TBC1D1: variants seen among roughly 807,000 people sequenced by gnomAD.
The protein encoded by TBC1D1 is TBC1 (tre-2/USP6, BUB2, cdc16) domain family, member 1.
In TBC1D1, 89 loss-of-function variants were observed where a neutral mutation model predicts 125.6. The ratio of observed to expected loss-of-function variants is 0.71; its 90% confidence interval spans 0.60 to 0.85. The LOEUF is 0.85. Ranked by LOEUF, TBC1D1 falls within the 40% of genes least tolerant of loss-of-function variation. The probability of loss-of-function intolerance (pLI) is 0.00; values close to 1 mark genes in which losing one functional copy is unlikely to be tolerated. For synonymous variants in TBC1D1, 565 were observed against 564.1 expected, an observed-to-expected ratio of 1.00 and a Z score of -0.02; for missense variants, 1,377 against 1,469.2, an observed-to-expected ratio of 0.94 and a Z score of 1.03.
chr4:38,090,943 C>T (rs1758319960), intron 13 of TBC1D1, among the ~76,000 whole-genome samples: 1 of 152,182 alleles, frequency 6.6e-6, no homozygotes, highest in Non-Finnish European at 1.5e-5. Flanking sequence ...TTTAAAATGA[C>T]CTTGATGCTT....
intron 2 of TBC1D1, among the ~76,000 whole-genome samples, chr4:37,972,222 C>A (rs1732169727): frequency 1.1e-5 from 1 of 90,786 alleles, no homozygotes; most frequent in South Asian, 4.1e-4. Flanking sequence ...GTGGTTCATG[C>A]CTGTCATCTC....
At chr4:37,930,478 T>C (rs1181569995) in intron 2 of TBC1D1, among the ~76,000 whole-genome samples, 1 of 151,900 alleles carries the variant, frequency 6.6e-6, no homozygotes, top group Non-Finnish European at 1.5e-5. Flanking sequence ...TGAGCCATCA[T>C]GCCTGGCCAA....
chr4:37,943,475 A>T (rs554515990), intron 2 of TBC1D1, among the ~76,000 whole-genome samples: 1 of 152,290 alleles, frequency 6.6e-6, no homozygotes, highest in Non-Finnish European at 1.5e-5. Flanking sequence ...CAGTACACCA[A>T]TCAGACGTAG....
intron 1 of TBC1D1, among the ~76,000 whole-genome samples, chr4:37,894,549 G>A (rs927793888): frequency 1.1e-4 from 17 of 152,116 alleles, no homozygotes; most frequent in Non-Finnish European, 2.1e-4. Context: ...AAGACAATGC[G>A]TGTATTTATC....
chr4:38,046,242 G>C (rs1266485313), intron 10 of TBC1D1, among the ~76,000 whole-genome samples: 2 of 151,898 alleles, frequency 1.3e-5, no homozygotes, highest in Admixed American at 1.3e-4. Context: ...CGTGGTGGCG[G>C]GCACCCGTAG....
chr4:38,090,568 G>GA (rs574013200), intron 13 of TBC1D1, among the ~76,000 whole-genome samples: 153 of 151,844 alleles, frequency 1.0e-3, no homozygotes, highest in Non-Finnish European at 1.8e-3. Context: ...CAAGTAATCT[G>GA]AAAAAAAAGA....
At chr4:37,929,370 G>A (rs1018084349) in intron 2 of TBC1D1, among the ~76,000 whole-genome samples, 10 of 152,200 alleles carry the variant, frequency 6.6e-5, no homozygotes, top group African/African-American at 2.4e-4. Flanking sequence ...AAGTTAAAAT[G>A]CAAGATCATG....
intron 15 of TBC1D1, among the ~76,000 whole-genome samples, chr4:38,106,414 C>G (rs1761308172): frequency 6.6e-6 from 1 of 152,292 alleles, no homozygotes; most frequent in Admixed American, 6.5e-5. Context: ...CAGGCCAAGG[C>G]AATGCCTTGG....
At chr4:38,042,174 C>A (rs896689924) in intron 8 of TBC1D1, among the ~76,000 whole-genome samples, 2 of 151,610 alleles carry the variant, frequency 1.3e-5, no homozygotes, top group Non-Finnish European at 2.9e-5. Context: ...AGACTCCATC[C>A]CAAAAAACAA....
intron 1 of TBC1D1, among the ~76,000 whole-genome samples, chr4:37,900,404 T>TA (rs1715672570): frequency 1.4e-5 from 1 of 70,382 alleles, no homozygotes; most frequent in Non-Finnish European, 3.0e-5. Flanking sequence ...TCAAAGGAAA[T>TA]ATCTTTTTTT....
chr4:37,897,652 T>C (rs1157466879), intron 1 of TBC1D1, among the ~76,000 whole-genome samples: 1 of 152,206 alleles, frequency 6.6e-6, no homozygotes, highest in Non-Finnish European at 1.5e-5. Context: ...TTGAAAGTAA[T>C]TCTGCTATGC....
At chr4:37,909,822 T>C (rs1486566314) in intron 2 of TBC1D1, among the ~76,000 whole-genome samples, 4 of 152,310 alleles carry the variant, frequency 2.6e-5, no homozygotes, top group East Asian at 1.9e-4. Flanking sequence ...AAATTTTCAT[T>C]TGGGGTCCCA....
intron 17 of TBC1D1, among the ~76,000 whole-genome samples, chr4:38,122,449 G>A (rs546707031): frequency 6.6e-6 from 1 of 152,250 alleles, no homozygotes; most frequent in Admixed American, 6.5e-5. Flanking sequence ...CTGTTTTTCA[G>A]GCTCCTGCAC....
At chr4:38,094,430 TG>T (rs564381050) in intron 13 of TBC1D1, among the ~76,000 whole-genome samples, 1 of 152,170 alleles carries the variant, frequency 6.6e-6, no homozygotes, top group Non-Finnish European at 1.5e-5. Flanking sequence ...CATGGGTGTG[TG>T]GGGGTCTTAT....
intron 2 of TBC1D1, among the ~76,000 whole-genome samples, chr4:37,973,937 T>C (rs1732540735): frequency 6.6e-6 from 1 of 152,220 alleles, no homozygotes; most frequent in South Asian, 2.1e-4. Flanking sequence ...CCTGAGATTC[T>C]GCATTTCTAA....
At chr4:38,086,028 G>C (rs2152532718) in intron 12 of TBC1D1, among the ~76,000 whole-genome samples, 1 of 152,264 alleles carries the variant, frequency 6.6e-6, no homozygotes, top group African/African-American at 2.4e-5. Context: ...TCTTTGGACT[G>C]ATTCAGCAGG....
intron 2 of TBC1D1, among the ~76,000 whole-genome samples, chr4:37,912,915 T>C (rs1306480047): frequency 6.6e-6 from 1 of 152,180 alleles, no homozygotes; most frequent in Non-Finnish European, 1.5e-5. Context: ...ACGAAGACAG[T>C]TACTATTAGA....
At position 38,095,876 on chromosome 4, in the gene TBC1D1, G is replaced by A. The variant is rs1430908795; in HGVS notation, c.2237-53G>A. 11 of 1,530,106 alleles carry A rather than the reference G, an allele frequency of 7.2e-6. No homozygotes were observed. In the East Asian group the frequency reaches 2.0e-4, roughly 28 times the overall value. The allele number at this position is 1,530,106 out of a possible 1,614,324, so 94.8% of individuals were successfully genotyped here. Reference sequence around the variant, plus strand: ...AAGTAGGCAGCCATGTTGTGTAATGGAAATTCCATAGCTGTAGCCTTTACT... The same window carrying A: ...AAGTAGGCAGCCATGTTGTGTAATGAAAATTCCATAGCTGTAGCCTTTACT... On this transcript the variant is annotated intron_variant, in intron 13 of 19. Transcript: ENST00000261439.
Position 38,014,979 on chromosome 4 carries a change from A to T in TBC1D1, c.882+6A>T. Reference sequence around the variant, plus strand: ...ATCGAACTATGCTCTTCACGGTAAAATATCACCCAGCTCGTGCACAGCCCC... The same window carrying T: ...ATCGAACTATGCTCTTCACGGTAAATTATCACCCAGCTCGTGCACAGCCCC... On this transcript the variant is annotated splice_donor_region_variant and intron_variant, in intron 3 of 19. Coordinates refer to ENST00000261439, the MANE Select transcript of TBC1D1 (RefSeq NM_015173.4). This position sits in a 1 kb window ranked among gnomAD's most constrained non-coding sequence, Gnocchi z 5.1. 1 of 1,524,992 alleles carries T rather than the reference A, an allele frequency of 6.6e-7. No individual in the cohort carries two copies. Among genetic ancestry groups the T allele is most frequent in the Non-Finnish European group, 8.8e-7 (1 of 1,134,016 alleles). 94.5% of individuals were successfully genotyped at this position (1,524,992 alleles called of 1,614,324 possible).
Sources: allele counts gnomAD v4.1 joint callset (sites outside exome capture counted in the v4.1 genomes callset), GRCh38; gene constraint gnomAD v4.1.1; non-coding constraint Gnocchi (gnomAD v3.1); transcripts MANE v1.5; gene names NCBI Gene and HGNC (gene_info 2026-07-23, HGNC 2026-07-21).